The following TGM5 variants were observed in gnomAD, a reference collection of about 807,000 sequenced individuals.
TGM5 encodes the protein protein-glutamine gamma-glutamyltransferase 5.
TGM5 carries 69 observed loss-of-function variants against 77.2 expected under a neutral mutation model. The ratio of observed to expected loss-of-function variants is 0.89; its 90% confidence interval spans 0.74 to 1.09. TGM5 has a LOEUF of 1.09. Ranked by LOEUF, TGM5 falls within the 50% of genes least tolerant of loss-of-function variation. TGM5 has a pLI of 0.00. For missense variants in TGM5, 842 were observed against 896.5 expected, an observed-to-expected ratio of 0.94 and a Z score of 0.78; for synonymous variants, 346 against 351.8, an observed-to-expected ratio of 0.98 and a Z score of 0.18.
intron 6 of TGM5, among the ~76,000 whole-genome samples, chr15:43,248,684 T>G (rs568079590): frequency 1.8e-4 from 27 of 152,324 alleles, no homozygotes; most frequent in Admixed American, 7.8e-4. Flanking sequence ...TAAGAAAGGT[T>G]TGTGTTTAGT....
intron 9 of TGM5, 79 bp from the exon 10 acceptor site, chr15:43,235,916 C>G: frequency 6.3e-7 from 1 of 1,586,208 alleles, no homozygotes; most frequent in Admixed American, 1.7e-5. Flanking sequence ...ATCCCCCACC[C>G]AATATCTCCA....
chr15:43,260,818 T>C, intron 1 of TGM5: 1 of 598,628 alleles, frequency 1.7e-6, no homozygotes, highest in Non-Finnish European at 3.0e-6. Flanking sequence ...TGACCCTCTA[T>C]CTTCTTCTCC....
chr15:43,265,543 G>GCCCTTCAGCCTTCAGAC, intron 1 of TGM5, among the ~76,000 whole-genome samples: 1 of 152,340 alleles, frequency 6.6e-6, no homozygotes, highest in South Asian at 2.1e-4. Flanking sequence ...AGACAGGAAT[G>GCCCTTCAGCCTTCAGAC]ACTCTTCAGC....
In TGM5 at chr15:43,253,485, C is replaced by A. The variant is rs2241517; in HGVS notation, c.684+21G>T. The stretch of plus-strand genomic sequence containing the variant: ...CCCGCTGCACAGCTTCCTCCCTCCC[C>A]GGGCACGCCAGGGACCTCACCATGG... On this transcript the variant is annotated intron_variant, in intron 5 of 12. Coordinates refer to ENST00000220420, the MANE Select transcript of TGM5 (RefSeq NM_201631.4). 307 of 1,609,166 alleles carry A rather than the reference C, an allele frequency of 1.9e-4. 3 individuals carry two copies. The East Asian group carries it at 6.7e-3, about 35-fold the overall frequency.
intron 6 of TGM5, among the ~76,000 whole-genome samples, chr15:43,244,527 T>G (rs1209713399): frequency 6.6e-6 from 1 of 152,214 alleles, no homozygotes; most frequent in Non-Finnish European, 1.5e-5. Context: ...CAGTGACAAC[T>G]GGGCAAAGGT....
At chr15:43,256,938 C>T (rs1410312622) in intron 3 of TGM5, among the ~76,000 whole-genome samples, 1 of 152,190 alleles carries the variant, frequency 6.6e-6, no homozygotes, top group Non-Finnish European at 1.5e-5. Context: ...CATTTACATC[C>T]TATCCCCATT....
chr15:43,255,786 T>C (rs539770937), intron 4 of TGM5, among the ~76,000 whole-genome samples: 1 of 152,314 alleles, frequency 6.6e-6, no homozygotes, highest in South Asian at 2.1e-4. Flanking sequence ...CTGAAGTCCC[T>C]GCTGCAGGCT....
intron 6 of TGM5, among the ~76,000 whole-genome samples, chr15:43,242,669 G>A (rs577611365): frequency 2.0e-5 from 3 of 152,180 alleles, no homozygotes; most frequent in Non-Finnish European, 4.4e-5. Context: ...CTCTGGATGC[G>A]ACCAGAAAAG....
intron 7 of TGM5, 85 bp from the exon 8 acceptor site, chr15:43,239,351 G>T: frequency 7.2e-7 from 1 of 1,389,036 alleles, no homozygotes; most frequent in South Asian, 1.2e-5. Context: ...ATGAACTGTT[G>T]GATAGAAAGA....
At chr15:43,257,309 C>CAG (rs995588790) in intron 3 of TGM5, among the ~76,000 whole-genome samples, 1 of 152,242 alleles carries the variant, frequency 6.6e-6, no homozygotes, top group Middle Eastern at 3.4e-3. Context: ...ACCATAGAGA[C>CAG]GTAAGGCAGC....
chr15:43,259,274 G>A (rs543821773), intron 3 of TGM5, among the ~76,000 whole-genome samples: 125 of 152,018 alleles, frequency 8.2e-4, no homozygotes, highest in African/African-American at 2.9e-3. Context: ...GACAGGTAGT[G>A]TGAGATATTC....
At position 43,235,002 on chromosome 15, in the gene TGM5, C is replaced by G. The variant is rs977343062; in HGVS notation, c.1715-73G>C. The stretch of plus-strand genomic sequence containing the variant: ...CCGTACCTGGGTTGGACCTGGGTCT[C>G]TCTTCCACAGAGAAGAGAAAGTCAA... On this transcript the variant is annotated intron_variant, in intron 10 of 12. Transcript: ENST00000220420. The G allele has an allele frequency of 4.7e-5, 73 of 1,552,408 alleles. 1 individual carries two copies. The South Asian group carries it at 8.0e-4, about 17-fold the overall frequency.
chr15:43,261,090 T>TTTTTTG (rs2042786139), intron 1 of TGM5, among the ~76,000 whole-genome samples: 62 of 97,082 alleles, frequency 6.4e-4, no homozygotes, highest in African/African-American at 3.0e-3. Context: ...TTTTTTTTTT[T>TTTTTTG]TTTTTTTTTT....
chr15:43,252,064 T>C (rs903004971), intron 6 of TGM5, among the ~76,000 whole-genome samples: 1 of 152,242 alleles, frequency 6.6e-6, no homozygotes, highest in African/African-American at 2.4e-5. Flanking sequence ...CACATCTTCA[T>C]TGAGCCCATT....
At chr15:43,253,747 C>G (rs1386496065) in intron 4 of TGM5, 113 bp from the exon 5 acceptor site, 1 of 1,432,710 alleles carries the variant, frequency 7.0e-7, no homozygotes, top group Non-Finnish European at 9.7e-7. Context: ...TGGAAGGTAA[C>G]TGTGTCAAAC....
At chr15:43,257,030 G>A (rs2042746821) in intron 3 of TGM5, among the ~76,000 whole-genome samples, 1 of 152,194 alleles carries the variant, frequency 6.6e-6, no homozygotes, top group Admixed American at 6.5e-5. Flanking sequence ...ATTGAACACA[G>A]CCGATTGATT....
intron 1 of TGM5, 135 bp from the exon 2 acceptor site, chr15:43,260,714 A>G (rs780846750): frequency 1.1e-6 from 1 of 921,340 alleles, no homozygotes; most frequent in Non-Finnish European, 1.7e-6. Flanking sequence ...AATAGAGTCC[A>G]TAAGATCAGC....
In TGM5 at chr15:43,233,099, T is replaced by C; in HGVS notation, c.*92A>G. 2 of 1,514,846 alleles carry C rather than the reference T, an allele frequency of 1.3e-6. No individual in the cohort carries two copies. Among genetic ancestry groups the C allele is most frequent in the Non-Finnish European group, 1.8e-6 (2 of 1,105,652 alleles). The allele number at this position is 1,514,846 out of a possible 1,614,324, so 93.8% of individuals were successfully genotyped here. ...GCTCTTGCTGGAGCCCTGTGAAGCC[T>C]CTGTTGTGGTGGGGAATGGCGCAGC... On this transcript the variant is annotated 3_prime_UTR_variant, in exon 13 of 13. Coordinates refer to ENST00000220420, the MANE Select transcript of TGM5 (RefSeq NM_201631.4).
intron 6 of TGM5, among the ~76,000 whole-genome samples, chr15:43,245,635 G>A (rs1040029134): frequency 6.6e-6 from 1 of 152,132 alleles, no homozygotes; most frequent in Non-Finnish European, 1.5e-5. Context: ...ATAAGGGGGT[G>A]GGGGCAATTA....
Sources: allele counts gnomAD v4.1 joint callset (sites outside exome capture counted in the v4.1 genomes callset), GRCh38; gene constraint gnomAD v4.1.1; transcripts MANE v1.5; gene names NCBI Gene and HGNC (gene_info 2026-07-23, HGNC 2026-07-21).